Variants in RNF180 observed in about 807,000 individuals in gnomAD.
RNF180 encodes the protein E3 ubiquitin-protein ligase RNF180.
In RNF180, 38 loss-of-function variants were observed where a neutral mutation model predicts 59.2. That is an observed-to-expected ratio of 0.64 (90% CI 0.50 to 0.84). The LOEUF is 0.84. RNF180 is among the 40% of genes least tolerant of loss of function. RNF180 has a pLI of 0.00. For synonymous variants in RNF180, 262 were observed against 240.3 expected, an observed-to-expected ratio of 1.09 and a Z score of -0.84; for missense variants, 705 against 700.9, an observed-to-expected ratio of 1.01 and a Z score of -0.07.
chr5:64,213,906 A>G lies in RNF180; in HGVS notation c.580A>G (p.Lys194Glu). The change falls in exon 4 of 8, where the codon AAG becomes GAG. Residue 194 changes from lysine (K) to glutamate (E), a missense_variant. Transcript: ENST00000389100. Reference protein sequence around the residue: ...LEVRPTYFEMKNEKLLSKASE... With the variant: ...LEVRPTYFEMENEKLLSKASE... Reference sequence around the variant, plus strand: ...GGTGCGACCAACATATTTTGAGATGAAGAACGAAAAACTGCTGTCCAAAGC... The same window carrying G: ...GGTGCGACCAACATATTTTGAGATGGAGAACGAAAAACTGCTGTCCAAAGC... 6.2e-7 allele frequency: 1 copy of G among 1,614,092 alleles called. No homozygotes were observed. The highest frequency in any genetic ancestry group is 8.5e-7 in the Non-Finnish European group (1 of 1,180,012).
chr5:64,174,713 G>A (rs1750133467), intron 1 of RNF180, among the ~76,000 whole-genome samples: 1 of 152,000 alleles, frequency 6.6e-6, no homozygotes, highest in Admixed American at 6.6e-5. Context: ...TAACTCAGAT[G>A]CATAGTTTGC....
rs149453928 is a variant in RNF180 at position 64,305,064 on chromosome 5, A to T, written c.1228-20122A>T. ...ATGTGGGTTTTAATTAAGCATGTAC[A>T]TTAGTTTTGTAAGCACAAAGCTATT... On this transcript the variant is annotated intron_variant, in intron 5 of 7. Transcript: ENST00000389100. 1.5e-3 allele frequency among the ~76,000 whole-genome samples: 225 copies of T among 151,812 alleles called. 1 individual carries two copies. Among genetic ancestry groups the T allele is most frequent in the African/African-American group, 5.2e-3 (216 of 41,518 alleles).
At chr5:64,353,899 A>G (rs900867644) in intron 7 of RNF180, among the ~76,000 whole-genome samples, 8 of 151,930 alleles carry the variant, frequency 5.3e-5, no homozygotes, top group Admixed American at 3.3e-4. Context: ...GCAAAGCACG[A>G]GGGAAATTAG....
chr5:64,305,427 C>T (rs1743391317), intron 5 of RNF180, among the ~76,000 whole-genome samples: 1 of 150,960 alleles, frequency 6.6e-6, no homozygotes, highest in Non-Finnish European at 1.5e-5. Context: ...TTATCTTTTT[C>T]TTGTTGTACC....
At chr5:64,354,552 G>A (rs1243142457) in intron 7 of RNF180, among the ~76,000 whole-genome samples, 1 of 151,268 alleles carries the variant, frequency 6.6e-6, no homozygotes, top group African/African-American at 2.4e-5. Flanking sequence ...TTCTCAAACT[G>A]TTCAAAAAAA....
At chr5:64,216,199 T>C (rs1025377375) in intron 4 of RNF180, among the ~76,000 whole-genome samples, 2 of 152,132 alleles carry the variant, frequency 1.3e-5, no homozygotes, top group Non-Finnish European at 2.9e-5. Context: ...TTAAAGTGTA[T>C]GGCAGCACAG....
At chr5:64,263,405 T>G (rs1422721157) in intron 5 of RNF180, among the ~76,000 whole-genome samples, 1 of 152,178 alleles carries the variant, frequency 6.6e-6, no homozygotes, top group African/African-American at 2.4e-5. Context: ...ATGTGCACAG[T>G]TAGCTCTTTT....
chr5:64,181,335 G>T (rs760713656), intron 1 of RNF180, among the ~76,000 whole-genome samples: 11 of 152,114 alleles, frequency 7.2e-5, no homozygotes, highest in Non-Finnish European at 2.9e-5. Flanking sequence ...ACCATCACAC[G>T]TGGGTACCAC....
At chr5:64,364,989 C>A (rs1411518181) in intron 7 of RNF180, among the ~76,000 whole-genome samples, 6 of 148,494 alleles carry the variant, frequency 4.0e-5, no homozygotes, top group East Asian at 2.0e-4. Context: ...AGTGGCCTGT[C>A]TTAATTTTTT....
At position 64,214,295 on chromosome 5, in the gene RNF180, T is replaced by A; in HGVS notation, c.969T>A (p.His323Gln). Residue 323 changes from histidine to glutamine, a missense_variant, in exon 4 of 8, where the codon CAT (histidine) becomes CAA (glutamine). His to Gln is a conservative substitution (Grantham distance 24, BLOSUM62 0). Transcript: ENST00000389100. The stretch of plus-strand genomic sequence containing the variant: ...AAGCTGCTTCAGTGTATTCTGACCA[T>A]ACTAATACTAACAATCTGACTTTCC... ...GLEAASVYSD[H>Q]TNTNNLTFLM... The A allele has an allele frequency of 6.2e-7, 1 of 1,614,060 alleles. No homozygotes were observed. Among genetic ancestry groups the A allele is most frequent in the Non-Finnish European group, 8.5e-7 (1 of 1,180,000 alleles).
At chr5:64,170,477 T>C (rs921822058) in intron 1 of RNF180, among the ~76,000 whole-genome samples, 1 of 152,200 alleles carries the variant, frequency 6.6e-6, no homozygotes, top group Admixed American at 6.5e-5. Context: ...AAAAGATCTT[T>C]TAAGTTATGT....
At chr5:64,174,922 T>C (rs564319814) in intron 1 of RNF180, among the ~76,000 whole-genome samples, 1 of 151,578 alleles carries the variant, frequency 6.6e-6, no homozygotes, top group Non-Finnish European at 1.5e-5. Context: ...GGTAGTTTGA[T>C]AGGTTCCGGT....
Position 64,372,403 on chromosome 5 carries a change from A to AT in RNF180, c.*2592dup, listed in dbSNP as rs1252833061. 1 of 151,846 alleles carries AT rather than the reference A, an allele frequency of 6.6e-6. No homozygotes were observed. The highest frequency in any genetic ancestry group is 6.6e-5 in the Admixed American group (1 of 15,178). The allele number at this position is 151,846 out of a possible 1,614,324, so 9.4% of individuals were successfully genotyped here. ...AACAAAATCAGGAATGGAAAAAAAA[A>AT]TTTCTGTATCTGCTGAATTATTAAT... On this transcript the variant is annotated 3_prime_UTR_variant, in exon 8 of 8. Transcript: ENST00000389100.
At chr5:64,243,427 G>C (rs939222698) in intron 5 of RNF180, among the ~76,000 whole-genome samples, 5 of 152,208 alleles carry the variant, frequency 3.3e-5, no homozygotes, top group Admixed American at 2.6e-4. Flanking sequence ...ACTGAGGCTT[G>C]AGTAGGCGGT....
intron 5 of RNF180, among the ~76,000 whole-genome samples, chr5:64,235,121 C>A (rs1036856825): frequency 6.6e-6 from 1 of 151,840 alleles, no homozygotes; most frequent in Non-Finnish European, 1.5e-5. Flanking sequence ...TACAAAAAAA[C>A]AAAAATAAAA....
Position 64,213,942 on chromosome 5 carries a change from A to G in RNF180, c.616A>G (p.Lys206Glu). The G allele has an allele frequency of 3.7e-6, 6 of 1,613,986 alleles. No individual in the cohort carries two copies. The highest frequency in any genetic ancestry group is 5.1e-6 in the Non-Finnish European group (6 of 1,179,934). ...EKLLSKASEP[K>E]YQLFVPQLVT... is the part of the protein sequence containing the mutation. Reference sequence around the variant, plus strand: ...ACTGCTGTCCAAAGCATCAGAACCAAAATACCAGCTTTTTGTTCCCCAGCT... The same window carrying G: ...ACTGCTGTCCAAAGCATCAGAACCAGAATACCAGCTTTTTGTTCCCCAGCT... The change falls in exon 4 of 8, where the codon AAA becomes GAA. Residue 206 changes from lysine to glutamate, a missense_variant. Transcript: ENST00000389100.
intron 5 of RNF180, among the ~76,000 whole-genome samples, chr5:64,233,999 G>C (rs1029444002): frequency 6.6e-6 from 1 of 152,202 alleles, no homozygotes; most frequent in Admixed American, 6.5e-5. Context: ...ATATTGGAAA[G>C]AAAGTTAGAA....
chr5:64,295,534 T>C (rs1361688555), intron 5 of RNF180, among the ~76,000 whole-genome samples: 2 of 152,198 alleles, frequency 1.3e-5, no homozygotes, highest in African/African-American at 2.4e-5. Context: ...TTCAAAAGAT[T>C]GTACTTGATA....
At chr5:64,246,536 A>G (rs1337512446) in intron 5 of RNF180, among the ~76,000 whole-genome samples, 1 of 152,212 alleles carries the variant, frequency 6.6e-6, no homozygotes, top group Non-Finnish European at 1.5e-5. Context: ...TCCTGGACAC[A>G]TACACCCTCC....
Sources: gnomAD v4.1 joint callset for allele counts (sites outside exome capture counted in the v4.1 genomes callset) on GRCh38, gnomAD v4.1.1 for gene constraint, MANE v1.5 for transcripts, NCBI Gene and HGNC (gene_info 2026-07-23, HGNC 2026-07-21) for gene names.